FCHO2: variants seen among roughly 807,000 people sequenced by gnomAD.
The protein encoded by FCHO2 is F-BAR domain only protein 2.
A neutral mutation model predicts 114.1 loss-of-function variants in FCHO2; 43 were observed. The ratio of observed to expected loss-of-function variants is 0.38; its 90% CI spans 0.30 to 0.49. The LOEUF (loss-of-function observed/expected upper bound fraction) is 0.49. Ranked by LOEUF, FCHO2 falls within the 20% of genes least tolerant of loss-of-function variation. The pLI, the probability that FCHO2 is intolerant of heterozygous loss-of-function variation, is 0.97. For missense variants in FCHO2, 807 were observed against 950.4 expected, an observed-to-expected ratio of 0.85 and a Z score of 1.98; for synonymous variants, 293 against 315.2, an observed-to-expected ratio of 0.93 and a Z score of 0.75.
chr5:73,082,801 A>C lies in FCHO2; in HGVS notation c.2221A>C (p.Ile741Leu). Residue 741 changes from isoleucine (I) to leucine (L), a missense_variant, in exon 24 of 26, where the codon ATT (isoleucine) becomes CTT (leucine). Coordinates refer to ENST00000430046, the MANE Select transcript of FCHO2 (RefSeq NM_138782.3). ...QMKAFWKLSS[I>L]SEKSENGGSG... ...GAAAGCCTTTTGGAAATTGTCTAGTATTTCAGAAAAATCAGAAAATGGAGG... is the reference window on the plus strand; with the variant it reads ...GAAAGCCTTTTGGAAATTGTCTAGTCTTTCAGAAAAATCAGAAAATGGAGG... The C allele has an allele frequency of 4.4e-6, 7 of 1,606,970 alleles. No individual in the cohort carries two copies. The highest frequency in any genetic ancestry group is 5.9e-6 in the Non-Finnish European group (7 of 1,176,606).
chr5:73,021,397 T>C (rs1755616843), intron 8 of FCHO2: 2 of 303,026 alleles, frequency 6.6e-6, no homozygotes, highest in African/African-American at 4.3e-5. Flanking sequence ...TAACTTTCTT[T>C]TACTCCTATT....
intron 13 of FCHO2, 28 bp from the exon 14 acceptor site, chr5:73,054,132 A>G: frequency 6.8e-7 from 1 of 1,470,368 alleles, no homozygotes; most frequent in Non-Finnish European, 9.1e-7. Flanking sequence ...TTCTAACCTA[A>G]TTTTCTTTTT....
At position 73,088,233 on chromosome 5, in the gene FCHO2, C is replaced by G. The variant is rs530211553; in HGVS notation, c.*143C>G. 2.7e-5 allele frequency: 28 copies of G among 1,018,462 alleles called. No individual in the cohort carries two copies. The East Asian group carries it at 7.1e-4, about 26-fold the overall frequency. The allele number at this position is 1,018,462 out of a possible 1,614,324, so 63.1% of individuals were successfully genotyped here. The stretch of plus-strand genomic sequence containing the variant: ...AGCTGACTACAAACATTAAATCGCA[C>G]TTTTAAAGTGAGTCATTGAAATAAA... On this transcript the variant is annotated 3_prime_UTR_variant, in exon 26 of 26. Coordinates refer to ENST00000430046, the MANE Select transcript of FCHO2 (RefSeq NM_138782.3).
In FCHO2 at chr5:73,088,412, T is replaced by C. The variant is rs891961320; in HGVS notation, c.*322T>C. 7.5e-6 allele frequency: 2 copies of C among 265,462 alleles called. No homozygotes were observed. The highest frequency in any genetic ancestry group is 1.4e-5 in the Non-Finnish European group (2 of 138,164). 16.4% of individuals were successfully genotyped at this position (265,462 alleles called of 1,614,324 possible). On this transcript the variant is annotated 3_prime_UTR_variant, in exon 26 of 26. Coordinates refer to ENST00000430046, the MANE Select transcript of FCHO2 (RefSeq NM_138782.3). ...TGAAAAAAAGGGTTATAGTGTAATATCAGGCCTAAAGTTTCAGAAGAGCAA... is the reference window on the plus strand; with the variant it reads ...TGAAAAAAAGGGTTATAGTGTAATACCAGGCCTAAAGTTTCAGAAGAGCAA...
intron 2 of FCHO2, among the ~76,000 whole-genome samples, chr5:72,976,802 C>G (rs918353069): frequency 1.3e-5 from 2 of 148,286 alleles, no homozygotes; most frequent in African/African-American, 5.0e-5. Flanking sequence ...CCAAACAGGC[C>G]CTGGTGTGTG....
chr5:72,978,629 G>C (rs1753010473), intron 2 of FCHO2, among the ~76,000 whole-genome samples: 1 of 152,078 alleles, frequency 6.6e-6, no homozygotes, highest in South Asian at 2.1e-4. Context: ...GCCCTGGCTA[G>C]AACTTCCAAT....
At chr5:72,980,854 G>T (rs1259572092) in intron 2 of FCHO2, among the ~76,000 whole-genome samples, 3 of 152,250 alleles carry the variant, frequency 2.0e-5, no homozygotes, top group African/African-American at 7.2e-5. Flanking sequence ...TGTGAGATGG[G>T]TGTCCTGAAT....
At chr5:73,050,358 T>C (rs1221612880) in intron 11 of FCHO2, among the ~76,000 whole-genome samples, 1 of 151,154 alleles carries the variant, frequency 6.6e-6, no homozygotes, top group Non-Finnish European at 1.5e-5. Context: ...CTCGCTCTTT[T>C]GCCAGGCTGG....
At chr5:73,084,168 C>T (rs1205818635) in intron 24 of FCHO2, among the ~76,000 whole-genome samples, 1 of 152,140 alleles carries the variant, frequency 6.6e-6, no homozygotes, top group African/African-American at 2.4e-5. Context: ...GTCTTATTTT[C>T]TCTTAATCAA....
intron 6 of FCHO2, among the ~76,000 whole-genome samples, chr5:73,014,648 C>T (rs1755205144): frequency 6.6e-6 from 1 of 152,112 alleles, no homozygotes; most frequent in Non-Finnish European, 1.5e-5. Context: ...GATTATAAAG[C>T]ATTTGAAAGT....
At chr5:72,988,891 TAA>T (rs1472221185) in intron 2 of FCHO2, among the ~76,000 whole-genome samples, 2 of 152,162 alleles carry the variant, frequency 1.3e-5, no homozygotes, top group African/African-American at 4.8e-5. Context: ...GTACTAAAGA[TAA>T]AAAGAGTTGT....
chr5:72,993,973 A>C (rs1314392441), intron 5 of FCHO2, among the ~76,000 whole-genome samples: 1 of 152,206 alleles, frequency 6.6e-6, no homozygotes, highest in Non-Finnish European at 1.5e-5. Flanking sequence ...TACACCATAT[A>C]CAAAAATCAT....
intron 5 of FCHO2, among the ~76,000 whole-genome samples, chr5:72,994,677 G>A (rs1193287887): frequency 6.6e-6 from 1 of 152,160 alleles, no homozygotes; most frequent in South Asian, 2.1e-4. Context: ...AAAGACACAT[G>A]CATGTGAATA....
intron 1 of FCHO2, among the ~76,000 whole-genome samples, chr5:72,968,053 T>C (rs188475902): frequency 4.3e-4 from 65 of 151,754 alleles, no homozygotes; most frequent in African/African-American, 1.6e-3. Context: ...GCCTCCCAAG[T>C]AGCTGGGACT....
chr5:73,046,666 T>G (rs1757075197), intron 11 of FCHO2, among the ~76,000 whole-genome samples: 1 of 152,180 alleles, frequency 6.6e-6, no homozygotes, highest in African/African-American at 2.4e-5. Context: ...TAGCAAAGTT[T>G]CCTTATTTTT....
In FCHO2 at chr5:73,017,277, T is replaced by C; in HGVS notation, c.765T>C (p.Ala255=). ...TTVESLIQKF[A]ESKGTGKERP... ...TTGAAAGTTTGATACAAAAATTTGCTGAGTCAAAAGGCACTGGGAAGGAAA... is the reference window on the plus strand; with the variant it reads ...TTGAAAGTTTGATACAAAAATTTGCCGAGTCAAAAGGCACTGGGAAGGAAA... The change falls in exon 8 of 26, where the codon GCT becomes GCC. Residue 255 remains alanine, a synonymous_variant. Coordinates refer to ENST00000430046, the MANE Select transcript of FCHO2 (RefSeq NM_138782.3). 6.4e-7 allele frequency: 1 copy of C among 1,567,310 alleles called. No individual in the cohort carries two copies. Among genetic ancestry groups the C allele is most frequent in the Non-Finnish European group, 8.7e-7 (1 of 1,155,116 alleles).
chr5:73,050,174 C>T (rs1368006588), intron 11 of FCHO2, among the ~76,000 whole-genome samples: 1 of 151,574 alleles, frequency 6.6e-6, no homozygotes, highest in South Asian at 2.1e-4. Flanking sequence ...AATAACCATT[C>T]AGTATTTATC....
chr5:73,047,347 G>C (rs1185708868), intron 11 of FCHO2, among the ~76,000 whole-genome samples: 1 of 151,202 alleles, frequency 6.6e-6, no homozygotes, highest in Non-Finnish European at 1.5e-5. Context: ...CTACCCCATT[G>C]CCCTTCCTTG....
chr5:73,069,489 G>C (rs576634452), intron 19 of FCHO2, among the ~76,000 whole-genome samples: 1 of 152,140 alleles, frequency 6.6e-6, no homozygotes, highest in East Asian at 1.9e-4. Flanking sequence ...TCAGGCATTA[G>C]ATTCTCATAA....
Sources: allele counts gnomAD v4.1 joint callset (sites outside exome capture counted in the v4.1 genomes callset), GRCh38; gene constraint gnomAD v4.1.1; transcripts MANE v1.5; gene names NCBI Gene and HGNC (gene_info 2026-07-23, HGNC 2026-07-21).